Variants in LRBA observed in about 807,000 individuals in gnomAD.
The protein encoded by LRBA is lipopolysaccharide-responsive and beige-like anchor protein.
Under a neutral mutation model 330.0 loss-of-function variants are expected in LRBA, and 176 were observed. That is an observed-to-expected ratio of 0.53 (90% CI 0.47 to 0.60). The LOEUF is 0.60. LRBA is among the 20% of genes least tolerant of loss of function. The probability of loss-of-function intolerance (pLI) is 0.00; values close to 1 mark genes in which losing one functional copy is unlikely to be tolerated. For synonymous variants in LRBA, 1,230 were observed against 1,193.0 expected, an observed-to-expected ratio of 1.03 and a Z score of -0.64; for missense variants, 3,259 against 3,444.8, an observed-to-expected ratio of 0.95 and a Z score of 1.35.
chr4:150,967,188 T>G (rs547533448), intron 2 of LRBA, among the ~76,000 whole-genome samples: 107 of 152,316 alleles, frequency 7.0e-4, no homozygotes, highest in Non-Finnish European at 1.1e-3. Context: ...TGATAGCACA[T>G]TATTACCACC....
In LRBA at chr4:150,561,747, T is replaced by C. The variant is rs58322649; in HGVS notation, c.6330+26301A>G. Among the ~76,000 whole-genome samples, 173 of 152,276 alleles carry C rather than the reference T, an allele frequency of 1.1e-3. 2 individuals carry two copies. The East Asian group carries it at 0.027, about 24-fold the overall frequency. On this transcript the variant is annotated intron_variant, in intron 40 of 56. Coordinates refer to ENST00000651943, the MANE Select transcript of LRBA (RefSeq NM_001364905.1). ...ATAAAGCCATTACTTTTGTGGAAAT[T>C]TGTTATAGCAGCAACAGAAAATTAA...
intron 44 of LRBA, among the ~76,000 whole-genome samples, chr4:150,460,419 A>C (rs1000669815): frequency 6.6e-6 from 1 of 151,866 alleles, no homozygotes; most frequent in Non-Finnish European, 1.5e-5. Context: ...CAAATTCACT[A>C]TGGTTCTGTC....
chr4:150,776,786 G>C (rs199891798), intron 34 of LRBA, among the ~76,000 whole-genome samples: 1 of 23,110 alleles, frequency 4.3e-5, no homozygotes, highest in African/African-American at 5.0e-5. Context: ...CTCCAGCCTG[G>C]ATGACAAAGT....
At chr4:150,898,144 C>T (rs767228265) in intron 14 of LRBA, among the ~76,000 whole-genome samples, 1 of 151,794 alleles carries the variant, frequency 6.6e-6, no homozygotes, top group Non-Finnish European at 1.5e-5. Context: ...TATTTTAAGA[C>T]TCTGAGAGTA....
chr4:150,429,587 T>C (rs1333554347), intron 46 of LRBA, among the ~76,000 whole-genome samples: 1 of 152,112 alleles, frequency 6.6e-6, no homozygotes, highest in African/African-American at 2.4e-5. Flanking sequence ...ACAGTTTATA[T>C]ATTCAAATGG....
At position 150,844,750 on chromosome 4, in the gene LRBA, C is replaced by G. The variant is rs1296529657; in HGVS notation, c.4369G>C (p.Glu1457Gln). 2 of 1,613,118 alleles carry G rather than the reference C, an allele frequency of 1.2e-6. No homozygotes were observed. The highest frequency in any genetic ancestry group is 3.3e-5 in the Admixed American group (2 of 60,006). Residue 1457 changes from glutamate (E) to glutamine (Q), a missense_variant, in exon 27 of 57, where the codon GAG becomes CAG. Physicochemically the swap from Glu to Gln is conservative, Grantham distance 29 (BLOSUM62 2). Coordinates refer to ENST00000651943, the MANE Select transcript of LRBA (RefSeq NM_001364905.1). ...TTCAGTTGTGAATGCTGTTGACACT[C>G]CAAGCAATTCCTTACTGCGACTGCA... ...VCAVAVRNCL[E>Q]CQQHSQLKTR... is the part of the protein sequence containing the mutation.
intron 36 of LRBA, among the ~76,000 whole-genome samples, chr4:150,709,747 T>C (rs1465358264): frequency 6.6e-6 from 1 of 151,968 alleles, no homozygotes; most frequent in Non-Finnish European, 1.5e-5. Context: ...AATATATAAT[T>C]ACAAACAATT....
intron 2 of LRBA, among the ~76,000 whole-genome samples, chr4:150,952,394 C>T (rs966235629): frequency 1.3e-5 from 2 of 152,108 alleles, no homozygotes; most frequent in African/African-American, 4.8e-5. Flanking sequence ...AAACTATTAA[C>T]AATGGCTACC....
At position 150,831,869 on chromosome 4, in the gene LRBA, A is replaced by G; in HGVS notation, c.4677T>C (p.His1559=). 6.2e-7 allele frequency: 1 copy of G among 1,605,504 alleles called. No individual in the cohort carries two copies. Among genetic ancestry groups the G allele is most frequent in the Non-Finnish European group, 8.5e-7 (1 of 1,175,858 alleles). ...RDILEPQNER[H]SQSCTETGSE... ...TGCCAGTTTCTGTACATGACTGGCT[A>G]TGCCTTTCATTTTGGGGTTCCAAAA... Residue 1559 remains histidine (H), a synonymous_variant, in exon 29 of 57, where the codon CAT becomes CAC. Coordinates refer to ENST00000651943, the MANE Select transcript of LRBA (RefSeq NM_001364905.1).
intron 22 of LRBA, among the ~76,000 whole-genome samples, chr4:150,863,921 A>G (rs576384269): frequency 6.6e-6 from 1 of 152,134 alleles, no homozygotes; most frequent in South Asian, 2.1e-4. Flanking sequence ...TTTTGGTCTC[A>G]TGACACTTTA....
chr4:150,558,277 G>A (rs1372851165), intron 40 of LRBA, among the ~76,000 whole-genome samples: 1 of 152,018 alleles, frequency 6.6e-6, no homozygotes, highest in Non-Finnish European at 1.5e-5. Flanking sequence ...CATTTCTTTT[G>A]GGGGGAGTAT....
At chr4:150,710,358 C>A (rs1380821319) in intron 36 of LRBA, among the ~76,000 whole-genome samples, 2 of 151,944 alleles carry the variant, frequency 1.3e-5, no homozygotes, top group Non-Finnish European at 2.9e-5. Flanking sequence ...AAAGTCTCTC[C>A]CCAAAAGTGG....
intron 17 of LRBA, among the ~76,000 whole-genome samples, chr4:150,887,824 G>A (rs1317448886): frequency 6.6e-6 from 1 of 150,416 alleles, no homozygotes; most frequent in Non-Finnish European, 1.5e-5. Flanking sequence ...TCTCAAATTT[G>A]GTAGTAATCA....
intron 47 of LRBA, among the ~76,000 whole-genome samples, chr4:150,355,751 T>A (rs1046151981): frequency 1.3e-5 from 2 of 152,122 alleles, no homozygotes; most frequent in African/African-American, 4.8e-5. Flanking sequence ...TTATAATGAA[T>A]GAAACATCCA....
intron 22 of LRBA, among the ~76,000 whole-genome samples, chr4:150,860,706 A>G (rs577763239): frequency 6.6e-6 from 1 of 152,244 alleles, no homozygotes; most frequent in South Asian, 2.1e-4. Flanking sequence ...AGGCGCCTGT[A>G]GTCCCAGCTA....
chr4:150,270,111 T>C (rs764997012), intron 56 of LRBA, among the ~76,000 whole-genome samples: 3 of 152,122 alleles, frequency 2.0e-5, no homozygotes, highest in Non-Finnish European at 2.9e-5. Flanking sequence ...TGTGGAGAAA[T>C]TGGAACCCAT....
At chr4:150,664,387 G>A (rs1041751121) in intron 37 of LRBA, among the ~76,000 whole-genome samples, 1 of 152,140 alleles carries the variant, frequency 6.6e-6, no homozygotes, top group African/African-American at 2.4e-5. Flanking sequence ...ATCGAAAACA[G>A]ACCAGGAAAT....
chr4:150,565,626 T>A (rs2152276693), intron 40 of LRBA, among the ~76,000 whole-genome samples: 1 of 152,122 alleles, frequency 6.6e-6, no homozygotes, highest in Admixed American at 6.6e-5. Flanking sequence ...ACATAACAAC[T>A]CTCCTGGCAA....
At chr4:150,298,558 T>C (rs2126830341) in intron 53 of LRBA, among the ~76,000 whole-genome samples, 1 of 152,198 alleles carries the variant, frequency 6.6e-6, no homozygotes, top group Non-Finnish European at 1.5e-5. Context: ...CATACAGTAC[T>C]TTAAAAAACA....
Sources: allele counts gnomAD v4.1 joint callset (sites outside exome capture counted in the v4.1 genomes callset), GRCh38; gene constraint gnomAD v4.1.1; transcripts MANE v1.5; gene names NCBI Gene and HGNC (gene_info 2026-07-23, HGNC 2026-07-21).